Variants in DAB1 observed in about 807,000 individuals in gnomAD.
DAB1 encodes the protein DAB adaptor protein 1.
Under a neutral mutation model 64.6 loss-of-function variants are expected in DAB1, and 15 were observed. That is an observed-to-expected ratio of 0.23 (90% CI 0.16 to 0.36). DAB1 has a LOEUF of 0.36. DAB1 is among the 10% of genes least tolerant of loss of function. The probability of loss-of-function intolerance (pLI) is 1.00; values close to 1 mark genes in which losing one functional copy is unlikely to be tolerated. For missense variants in DAB1, 596 were observed against 706.7 expected (o/e 0.84, Z 1.78); for synonymous variants, 235 against 251.9 (o/e 0.93, Z 0.64).
At chr1:57,018,358 T>C (rs957991769) in intron 11 of DAB1, among the ~76,000 whole-genome samples, 2 of 152,222 alleles carry the variant, frequency 1.3e-5, no homozygotes, top group Admixed American at 6.5e-5. Flanking sequence ...TACAGGTATA[T>C]ACATCTGACT....
intron 3 of DAB1, among the ~76,000 whole-genome samples, chr1:58,354,117 T>A (rs1039904757): frequency 6.6e-6 from 1 of 152,118 alleles, no homozygotes; most frequent in East Asian, 1.9e-4. Context: ...GAAGCAAGCA[T>A]GTAGCTCAGG....
intron 3 of DAB1, among the ~76,000 whole-genome samples, chr1:58,419,994 A>G (rs1644756927): frequency 6.6e-6 from 1 of 152,108 alleles, no homozygotes; most frequent in African/African-American, 2.4e-5. Flanking sequence ...TCTCCATCCC[A>G]TTTGGCTTCT....
intron 6 of DAB1, among the ~76,000 whole-genome samples, chr1:57,659,748 G>A (rs1467215854): frequency 2.6e-5 from 4 of 152,050 alleles, no homozygotes; most frequent in African/African-American, 9.7e-5. Context: ...AGGCTGAGGT[G>A]GGCAGATGGC....
At chr1:57,091,598 C>T (rs1260836915) in intron 4 of DAB1, among the ~76,000 whole-genome samples, 3 of 152,286 alleles carry the variant, frequency 2.0e-5, no homozygotes, top group Admixed American at 2.0e-4. Context: ...TCTATATCAT[C>T]TTGATAGAAG....
chr1:58,116,681 C>T (rs1365171109), intron 5 of DAB1, among the ~76,000 whole-genome samples: 1 of 152,136 alleles, frequency 6.6e-6, no homozygotes. Context: ...CCATTTCTTC[C>T]TCTGTAAAAT....
At chr1:57,638,353 T>A (rs903447386) in intron 7 of DAB1, among the ~76,000 whole-genome samples, 1 of 152,220 alleles carries the variant, frequency 6.6e-6, no homozygotes, top group Non-Finnish European at 1.5e-5. Context: ...TTTTTTCATT[T>A]TATGAAGTAC....
At chr1:57,707,878 A>G (rs959806795) in intron 6 of DAB1, among the ~76,000 whole-genome samples, 4 of 152,158 alleles carry the variant, frequency 2.6e-5, no homozygotes, top group African/African-American at 9.6e-5. Flanking sequence ...GATGCCCTAC[A>G]TACACTGCCT....
intron 4 of DAB1, among the ~76,000 whole-genome samples, chr1:58,329,761 T>A (rs562112062): frequency 6.6e-6 from 1 of 152,254 alleles, no homozygotes; most frequent in Non-Finnish European, 1.5e-5. Context: ...TATCTTTTGA[T>A]GTTACTATTG....
chr1:58,291,807 C>G (rs950029238), intron 4 of DAB1, among the ~76,000 whole-genome samples: 4 of 152,118 alleles, frequency 2.6e-5, no homozygotes, highest in Non-Finnish European at 5.9e-5. Flanking sequence ...CTCGAAGCCA[C>G]AAAAATCTAA....
chr1:57,465,322 T>C (rs1251019233), intron 7 of DAB1, among the ~76,000 whole-genome samples: 1 of 152,212 alleles, frequency 6.6e-6, no homozygotes. Context: ...ATATTCTTAA[T>C]GTAGTTTGGT....
At chr1:58,243,798 G>T (rs575616391) in intron 4 of DAB1, among the ~76,000 whole-genome samples, 15 of 152,126 alleles carry the variant, frequency 9.9e-5, no homozygotes, top group Non-Finnish European at 1.5e-4. Context: ...CATTTCTAGG[G>T]AATTGAAAAA....
intron 7 of DAB1, among the ~76,000 whole-genome samples, chr1:57,616,761 A>T (rs546720239): frequency 3.9e-5 from 6 of 152,156 alleles, no homozygotes; most frequent in Non-Finnish European, 4.4e-5. Flanking sequence ...TGAATTGCTC[A>T]ATAGAAAAGT....
chr1:58,239,266 A>C (rs1428793187), intron 4 of DAB1, among the ~76,000 whole-genome samples: 1 of 152,238 alleles, frequency 6.6e-6, no homozygotes, highest in Non-Finnish European at 1.5e-5. Flanking sequence ...AGACTGACTT[A>C]GGAAGCCTGA....
chr1:57,324,084 A>G (rs1363467522), intron 1 of DAB1, among the ~76,000 whole-genome samples: 1 of 152,248 alleles, frequency 6.6e-6, no homozygotes, highest in Admixed American at 6.5e-5. Flanking sequence ...CAGACATTAT[A>G]GTCAGACCTG....
At chr1:58,047,601 G>C (rs1261616754) in intron 5 of DAB1, among the ~76,000 whole-genome samples, 1 of 152,144 alleles carries the variant, frequency 6.6e-6, no homozygotes, top group Admixed American at 6.5e-5. Context: ...CCATTCGCTT[G>C]TTTATGGTTA....
Position 58,063,633 on chromosome 1 carries a change from G to GT in DAB1, n.387+86877dup, listed in dbSNP as rs527622572. Reference sequence around the variant, plus strand: ...GCAACTGGGTGTCTCAGAGCCCTGAGTTTTTATCTGTAAAATGGGCATATT... The same window carrying GT: ...GCAACTGGGTGTCTCAGAGCCCTGAGTTTTTTATCTGTAAAATGGGCATATT... On this transcript the variant is annotated intron_variant and non_coding_transcript_variant, in intron 5 of 20. Transcript: ENST00000485760. Among the ~76,000 whole-genome samples, 17 of 152,262 alleles carry GT rather than the reference G, an allele frequency of 1.1e-4. No homozygotes were observed. The South Asian group carries it at 3.5e-3, about 32-fold the overall frequency.
At chr1:58,124,355 A>C (rs1652934351) in intron 5 of DAB1, among the ~76,000 whole-genome samples, 1 of 152,130 alleles carries the variant, frequency 6.6e-6, no homozygotes, top group African/African-American at 2.4e-5. Flanking sequence ...TATTTTCATC[A>C]CTGCTTCCTT....
chr1:57,847,282 A>G (rs1202904462), intron 1 of DAB1, among the ~76,000 whole-genome samples: 4 of 152,164 alleles, frequency 2.6e-5, no homozygotes, highest in Non-Finnish European at 5.9e-5. Flanking sequence ...ACAGGAGGAA[A>G]AAAAAAAACT....
chr1:57,590,310 T>TTTCATTTA lies in DAB1; in HGVS notation n.625+59281_625+59282insTAAATGAA, dbSNP rs538509565. ...TTAACCTTAATTATTTTTTCTTTTC[T>TTTCATTTA]TTTATTTATTTATTTATTTATTTAT... is the stretch of plus-strand genomic sequence containing the variant. On this transcript the variant is annotated intron_variant and non_coding_transcript_variant, in intron 7 of 20. Coordinates refer to the DAB1 transcript ENST00000485760. 5.3e-5 allele frequency among the ~76,000 whole-genome samples: 8 copies of TTTCATTTA among 151,180 alleles called. No homozygotes were observed. The South Asian group carries it at 1.2e-3, about 24-fold the overall frequency.
Sources: gnomAD v4.1 joint callset for allele counts (sites outside exome capture counted in the v4.1 genomes callset) on GRCh38, gnomAD v4.1.1 for gene constraint, MANE v1.5 for transcripts, NCBI Gene and HGNC (gene_info 2026-07-23, HGNC 2026-07-21) for gene names.